PLCB1: variants seen among roughly 807,000 people sequenced by gnomAD.
PLCB1 encodes 1-phosphatidylinositol 4,5-bisphosphate phosphodiesterase beta-1.
Under a neutral mutation model 161.8 loss-of-function variants are expected in PLCB1, and 46 were observed. The observed-to-expected ratio is 0.28, with a 90% CI of 0.22 to 0.36. The LOEUF (loss-of-function observed/expected upper bound fraction) is 0.36. PLCB1 is among the 10% of genes least tolerant of loss of function. The pLI is 1.00. For synonymous variants in PLCB1, 517 were observed against 503.7 expected, an observed-to-expected ratio of 1.03 and a Z score of -0.35; for missense variants, 1,016 against 1,472.5, an observed-to-expected ratio of 0.69 and a Z score of 5.07.
At chr20:8,652,406 A>G (rs921338412) in intron 7 of PLCB1, 8 of 152,138 alleles carry the variant, frequency 5.3e-5, no homozygotes, top group Non-Finnish European at 1.0e-4. Flanking sequence ...AAAACCAAAG[A>G]CTGTTTCAGA....
intron 12 of PLCB1, among the ~76,000 whole-genome samples, chr20:8,710,844 T>C (rs1036708021): frequency 6.6e-6 from 1 of 152,122 alleles, no homozygotes; most frequent in Non-Finnish European, 1.5e-5. Context: ...AATGAAAGGC[T>C]ATGGTTCCAT....
intron 9 of PLCB1, among the ~76,000 whole-genome samples, chr20:8,659,030 T>C (rs1989549609): frequency 6.6e-6 from 1 of 152,186 alleles, no homozygotes; most frequent in Non-Finnish European, 1.5e-5. Flanking sequence ...CCTTTTGTCT[T>C]TTTCTAGTAA....
intron 31 of PLCB1, among the ~76,000 whole-genome samples, chr20:8,823,498 C>T (rs12479957): frequency 0.29 from 43,370 of 152,172 alleles, 7,832 homozygotes; most frequent in Admixed American, 0.39. Context: ...CAAAGAGGGT[C>T]CTGGAACCAA....
chr20:8,729,234 A>AT, intron 18 of PLCB1, 60 bp downstream of exon 18: 1 of 1,415,100 alleles, frequency 7.1e-7, no homozygotes, highest in Non-Finnish European at 9.4e-7. Flanking sequence ...TCCAAAAACC[A>AT]TTCTTACATA....
At chr20:8,403,541 A>G (rs1296103584) in intron 3 of PLCB1, among the ~76,000 whole-genome samples, 1 of 152,226 alleles carries the variant, frequency 6.6e-6, no homozygotes, top group Non-Finnish European at 1.5e-5. Flanking sequence ...GAATGCAGGA[A>G]GATGGGCAAG....
rs370550018 is a variant in PLCB1, at chr20:8,638,744, C to T, written c.385-7358C>T. On this transcript the variant is annotated intron_variant, in intron 4 of 31. Coordinates refer to ENST00000338037, the MANE Select transcript of PLCB1 (RefSeq NM_015192.4). Reference sequence around the variant, plus strand: ...TATCATTTAACAAGCATATATTACACCTGTCACTGGTCTAACATGAATTAT... The same window carrying T: ...TATCATTTAACAAGCATATATTACATCTGTCACTGGTCTAACATGAATTAT... 2.0e-5 allele frequency among the ~76,000 whole-genome samples: 3 copies of T among 152,226 alleles called. No individual in the cohort carries two copies. The East Asian group carries it at 5.8e-4, about 29-fold the overall frequency.
intron 2 of PLCB1, among the ~76,000 whole-genome samples, chr20:8,343,794 CT>C (rs1274823895): frequency 6.6e-6 from 1 of 152,164 alleles, no homozygotes; most frequent in African/African-American, 2.4e-5. Flanking sequence ...ATTTCAGGAA[CT>C]TGTGCAGACC....
intron 3 of PLCB1, among the ~76,000 whole-genome samples, chr20:8,593,757 C>T (rs1213178372): frequency 2.0e-5 from 3 of 151,654 alleles, no homozygotes; most frequent in Admixed American, 2.0e-4. Context: ...ATTTTATATA[C>T]CAGGAATTTT....
chr20:8,853,633 G>A (rs1986963809), intron 31 of PLCB1, among the ~76,000 whole-genome samples: 1 of 152,140 alleles, frequency 6.6e-6, no homozygotes, highest in Non-Finnish European at 1.5e-5. Context: ...TATTACATGT[G>A]GTGCTTCTAT....
chr20:8,830,531 GA>G (rs919061550), intron 31 of PLCB1, among the ~76,000 whole-genome samples: 3 of 152,150 alleles, frequency 2.0e-5, no homozygotes, highest in African/African-American at 7.2e-5. Context: ...CATAGGTAAG[GA>G]CCACTGAATA....
At chr20:8,152,626 C>G (rs2051520700) in intron 2 of PLCB1, among the ~76,000 whole-genome samples, 1 of 151,736 alleles carries the variant, frequency 6.6e-6, no homozygotes, top group Non-Finnish European at 1.5e-5. Context: ...TAGAGATAAT[C>G]TCTCAGAAAA....
chr20:8,503,544 C>T (rs980323777), intron 3 of PLCB1, among the ~76,000 whole-genome samples: 1 of 152,122 alleles, frequency 6.6e-6, no homozygotes, highest in Non-Finnish European at 1.5e-5. Context: ...CAGCTTTCAT[C>T]CTTTTTCCTT....
At chr20:8,552,781 C>T (rs1000598436) in intron 3 of PLCB1, among the ~76,000 whole-genome samples, 2 of 152,150 alleles carry the variant, frequency 1.3e-5, no homozygotes, top group Admixed American at 1.3e-4. Flanking sequence ...ATGCCAGACT[C>T]ACTACCCATG....
At chr20:8,840,384 T>A (rs1986453329) in intron 31 of PLCB1, among the ~76,000 whole-genome samples, 1 of 152,198 alleles carries the variant, frequency 6.6e-6, no homozygotes, top group Admixed American at 6.5e-5. Context: ...AGGGCTAGAC[T>A]GTGTGACATG....
chr20:8,852,432 A>G (rs1986920064), intron 31 of PLCB1, among the ~76,000 whole-genome samples: 1 of 152,192 alleles, frequency 6.6e-6, no homozygotes, highest in African/African-American at 2.4e-5. Flanking sequence ...ATATTCCAGG[A>G]CTGACATCAG....
At chr20:8,536,598 G>A (rs1472759424) in intron 3 of PLCB1, among the ~76,000 whole-genome samples, 1 of 152,124 alleles carries the variant, frequency 6.6e-6, no homozygotes, top group Non-Finnish European at 1.5e-5. Flanking sequence ...CATCCCAGGT[G>A]ATCATCACTC....
At chr20:8,488,033 A>G (rs772354780) in intron 3 of PLCB1, among the ~76,000 whole-genome samples, 1 of 152,320 alleles carries the variant, frequency 6.6e-6, no homozygotes, top group East Asian at 1.9e-4. Flanking sequence ...GTTTACATGG[A>G]TTCAATGAAT....
intron 13 of PLCB1, 40 bp from the exon 14 acceptor site, chr20:8,717,631 G>A (rs772894899): frequency 4.6e-6 from 7 of 1,508,104 alleles, no homozygotes; most frequent in Middle Eastern, 1.8e-4. Context: ...CTGAAAGAGG[G>A]AGCAGTATTT....
intron 28 of PLCB1, 42 bp downstream of exon 28, chr20:8,788,567 T>G: frequency 6.2e-7 from 1 of 1,600,906 alleles, no homozygotes. Flanking sequence ...TGCATCTGAA[T>G]TTATTCAACA....
Sources: gnomAD v4.1 joint callset for allele counts (sites outside exome capture counted in the v4.1 genomes callset) on GRCh38, gnomAD v4.1.1 for gene constraint, MANE v1.5 for transcripts, NCBI Gene and HGNC (gene_info 2026-07-23, HGNC 2026-07-21) for gene names.